Variants in FAM117B observed in about 807,000 individuals in gnomAD.
The protein encoded by FAM117B is protein FAM117B.
A neutral mutation model predicts 52.8 loss-of-function variants in FAM117B; 22 were observed. The ratio of observed to expected loss-of-function variants is 0.42; its 90% CI spans 0.30 to 0.59. The LOEUF (loss-of-function observed/expected upper bound fraction) is 0.59. Ranked by LOEUF, FAM117B falls within the 20% of genes least tolerant of loss-of-function variation. The probability of loss-of-function intolerance (pLI) is 0.22; values close to 1 mark genes in which losing one functional copy is unlikely to be tolerated. For missense variants in FAM117B, 678 were observed against 802.6 expected (o/e 0.84, Z 1.88); for synonymous variants, 309 against 324.1 (o/e 0.95, Z 0.50).
chr2:202,680,286 G>T (rs142407970), intron 1 of FAM117B, among the ~76,000 whole-genome samples: 438 of 152,260 alleles, frequency 2.9e-3, no homozygotes, highest in African/African-American at 0.01. Context: ...GGGAGAGGGG[G>T]GAGGGATAGC....
chr2:202,710,042 G>A (rs1345756797), intron 2 of FAM117B, among the ~76,000 whole-genome samples: 2 of 152,150 alleles, frequency 1.3e-5, no homozygotes, highest in African/African-American at 2.4e-5. Flanking sequence ...TTTGTAATAT[G>A]TTTTGAAATC....
chr2:202,684,362 T>G (rs946893785), intron 1 of FAM117B, among the ~76,000 whole-genome samples: 4 of 152,186 alleles, frequency 2.6e-5, no homozygotes, highest in Non-Finnish European at 5.9e-5. Flanking sequence ...TATTTGTAAC[T>G]CCAAACTCAA....
At chr2:202,670,522 C>G (rs1430644647) in intron 1 of FAM117B, among the ~76,000 whole-genome samples, 1 of 152,034 alleles carries the variant, frequency 6.6e-6, no homozygotes, top group Non-Finnish European at 1.5e-5. Flanking sequence ...AACTTCTGAC[C>G]TCAAGTGATC....
At chr2:202,643,280 A>T (rs1689796610) in intron 1 of FAM117B, among the ~76,000 whole-genome samples, 1 of 152,142 alleles carries the variant, frequency 6.6e-6, no homozygotes, top group Non-Finnish European at 1.5e-5. Context: ...AATTCAAGAG[A>T]AGATGGTAAA....
chr2:202,731,739 T>C (rs1479409364), intron 4 of FAM117B, among the ~76,000 whole-genome samples: 1 of 151,214 alleles, frequency 6.6e-6, no homozygotes, highest in East Asian at 2.0e-4. Context: ...CTACTTTTTT[T>C]TGTTTGTTTG....
In FAM117B at chr2:202,757,259, A is replaced by G. The variant is rs2105799820; in HGVS notation, c.1151A>G (p.Gln384Arg). 1.9e-6 allele frequency: 3 copies of G among 1,614,140 alleles called. No individual in the cohort carries two copies. The highest frequency in any genetic ancestry group is 1.1e-5 in the South Asian group (1 of 91,072). Residue 384 changes from glutamine (Q) to arginine (R), a missense_variant, in exon 6 of 8, where the codon CAG becomes CGG. Around this residue, in one of 3 missense-constraint regions of FAM117B, gnomAD observed 583 missense variants for 644.8 expected, o/e 0.90. Transcript: ENST00000392238. ...DGHRAPPPLV[Q>R]RSSSTRSIDT... ...CATCGTGCTCCACCCCCCCTTGTAC[A>G]GAGAAGTAGCAGCACGCGCAGCATT...
intron 2 of FAM117B, among the ~76,000 whole-genome samples, chr2:202,711,036 T>C (rs1034677977): frequency 1.3e-5 from 2 of 152,212 alleles, no homozygotes; most frequent in Non-Finnish European, 2.9e-5. Flanking sequence ...CAGATACCTT[T>C]TCAATATACT....
chr2:202,743,927 G>C lies in FAM117B; in HGVS notation c.961-11611G>C, dbSNP rs566215921. 3.9e-5 allele frequency among the ~76,000 whole-genome samples: 6 copies of C among 152,332 alleles called. No individual in the cohort carries two copies. In the East Asian group the frequency reaches 1.2e-3, roughly 29 times the overall value. ...GAGTTTTGAGACTTCCAGAAGAAGA[G>C]ATGGTCAAAGGCATCGAAAACCTAT... is the stretch of plus-strand genomic sequence containing the variant. On this transcript the variant is annotated intron_variant, in intron 4 of 7. Transcript: ENST00000392238.
chr2:202,754,244 A>G (rs1025399096), intron 4 of FAM117B, among the ~76,000 whole-genome samples: 2 of 152,184 alleles, frequency 1.3e-5, no homozygotes, highest in Non-Finnish European at 2.9e-5. Context: ...ATGAAGCTGG[A>G]AGCCATCATC....
At chr2:202,745,612 A>G (rs1490196339) in intron 4 of FAM117B, among the ~76,000 whole-genome samples, 2 of 152,250 alleles carry the variant, frequency 1.3e-5, no homozygotes, top group African/African-American at 2.4e-5. Context: ...CCTATCAACA[A>G]CAACCTTGAA....
At chr2:202,757,167 C>T (rs761213676) in intron 5 of FAM117B, 46 bp from the exon 6 acceptor site, 28 of 1,558,944 alleles carry the variant, frequency 1.8e-5, no homozygotes, top group East Asian at 2.4e-5. Context: ...GCTGGTGATT[C>T]GAAATTAATT....
intron 1 of FAM117B, among the ~76,000 whole-genome samples, chr2:202,687,192 A>G (rs1690554343): frequency 6.6e-6 from 1 of 152,236 alleles, no homozygotes; most frequent in Admixed American, 6.5e-5. Context: ...AGTCAGACAC[A>G]AAACAGTATT....
At chr2:202,674,120 C>A (rs529897930) in intron 1 of FAM117B, among the ~76,000 whole-genome samples, 16 of 152,266 alleles carry the variant, frequency 1.1e-4, no homozygotes, top group Non-Finnish European at 2.1e-4. Context: ...TTTAACCTGT[C>A]TGTAATTGAT....
rs140884965 is a variant in FAM117B at position 202,714,443 on chromosome 2, CTATT to C, written c.754-10471_754-10468del. Reference sequence around the variant, plus strand: ...GCTGTTATTGTATTGGGGTCCATCTCTATTTAGATCTAATAATATTTGCTTTATA... The same window carrying C: ...GCTGTTATTGTATTGGGGTCCATCTCTAGATCTAATAATATTTGCTTTATA... On this transcript the variant is annotated intron_variant, in intron 2 of 7. Coordinates refer to ENST00000392238, the MANE Select transcript of FAM117B (RefSeq NM_173511.4). Among the ~76,000 whole-genome samples the C allele has an allele frequency of 8.5e-3, 1,287 of 150,932 alleles. 22 individuals carry two copies. The highest frequency in any genetic ancestry group is 0.03 in the African/African-American group (1,216 of 41,104).
chr2:202,645,701 T>G (rs1259585411), intron 1 of FAM117B, among the ~76,000 whole-genome samples: 1 of 151,808 alleles, frequency 6.6e-6, no homozygotes, highest in East Asian at 1.9e-4. Context: ...CCTCCCGGGT[T>G]CAAGCAAGTC....
chr2:202,729,511 G>A (rs928266634), intron 4 of FAM117B, among the ~76,000 whole-genome samples: 2 of 152,114 alleles, frequency 1.3e-5, no homozygotes, highest in Non-Finnish European at 2.9e-5. Flanking sequence ...GCCTGTGACC[G>A]TAGTACTCAT....
intron 7 of FAM117B, among the ~76,000 whole-genome samples, chr2:202,759,557 ATTT>A (rs554908259): frequency 7.2e-4 from 101 of 140,900 alleles, no homozygotes; most frequent in Admixed American, 1.6e-3. Context: ...AGCCTGGCTA[ATTT>A]TTTTTTTTTT....
intron 1 of FAM117B, among the ~76,000 whole-genome samples, chr2:202,652,331 C>T (rs995661662): frequency 3.9e-5 from 6 of 152,054 alleles, no homozygotes; most frequent in Non-Finnish European, 8.8e-5. Flanking sequence ...AAACTCATGG[C>T]TTCAGACAAT....
intron 2 of FAM117B, among the ~76,000 whole-genome samples, chr2:202,710,041 T>C (rs115496609): frequency 5.9e-5 from 9 of 152,360 alleles, no homozygotes; most frequent in African/African-American, 1.9e-4. Flanking sequence ...CTTTGTAATA[T>C]GTTTTGAAAT....
Sources: allele counts gnomAD v4.1 joint callset (sites outside exome capture counted in the v4.1 genomes callset), GRCh38; gene constraint gnomAD v4.1.1; regional missense constraint gnomAD v4.1.1; transcripts MANE v1.5; gene names NCBI Gene and HGNC (gene_info 2026-07-23, HGNC 2026-07-21).